The following TDRD10 variants were observed in gnomAD, a reference collection of about 807,000 sequenced individuals.
TDRD10 encodes tudor domain-containing protein 10.
Under a neutral mutation model 48.0 loss-of-function variants are expected in TDRD10, and 40 were observed. The observed-to-expected ratio is 0.83, with a 90% CI of 0.65 to 1.09. The LOEUF is 1.09. Ranked by LOEUF, TDRD10 falls within the 50% of genes least tolerant of loss-of-function variation. TDRD10 has a pLI of 0.00. For missense variants in TDRD10, 378 were observed against 434.7 expected, an observed-to-expected ratio of 0.87 and a Z score of 1.16; for synonymous variants, 162 against 170.4, an observed-to-expected ratio of 0.95 and a Z score of 0.38.
chr1:154,523,916 G>C (rs1694180745), intron 6 of TDRD10, among the ~76,000 whole-genome samples: 1 of 152,074 alleles, frequency 6.6e-6, no homozygotes, highest in Admixed American at 6.5e-5. Flanking sequence ...TGTCCAATCT[G>C]CTCTTAAGCC....
At chr1:154,537,325 G>A (rs531293525) in intron 6 of TDRD10, among the ~76,000 whole-genome samples, 3 of 152,322 alleles carry the variant, frequency 2.0e-5, no homozygotes, top group African/African-American at 4.8e-5. Context: ...GAGCTTTGTG[G>A]TGGCGTTTTA....
At chr1:154,531,978 A>G (rs1694653713) in intron 6 of TDRD10, among the ~76,000 whole-genome samples, 2 of 152,230 alleles carry the variant, frequency 1.3e-5, no homozygotes, top group African/African-American at 2.4e-5. Context: ...TTAGCTAGTC[A>G]TAAAGGTTCT....
intron 5 of TDRD10, among the ~76,000 whole-genome samples, chr1:154,521,036 G>A (rs921775864): frequency 6.6e-6 from 1 of 152,200 alleles, no homozygotes; most frequent in African/African-American, 2.4e-5. Flanking sequence ...ACCACACCTG[G>A]CTTGCTTTGA....
chr1:154,536,329 T>C (rs1204995346), intron 6 of TDRD10, among the ~76,000 whole-genome samples: 1 of 152,074 alleles, frequency 6.6e-6, no homozygotes, highest in Non-Finnish European at 1.5e-5. Flanking sequence ...TGAGCTGAGA[T>C]TGTGCCGTTG....
intron 4 of TDRD10, among the ~76,000 whole-genome samples, chr1:154,517,182 G>A (rs1360295682): frequency 6.6e-6 from 1 of 152,172 alleles, no homozygotes; most frequent in African/African-American, 2.4e-5. Context: ...ACCATGTCTG[G>A]GGTATGCCCT....
intron 6 of TDRD10, among the ~76,000 whole-genome samples, chr1:154,535,489 C>G (rs2149343430): frequency 6.6e-6 from 1 of 152,078 alleles, no homozygotes. Context: ...TGCTTCAGGC[C>G]AGGAGTTTGA....
intron 6 of TDRD10, among the ~76,000 whole-genome samples, chr1:154,538,695 T>C (rs1220789011): frequency 6.7e-6 from 1 of 149,518 alleles, no homozygotes; most frequent in East Asian, 2.0e-4. Context: ...CTACTAAAAA[T>C]ACAAAAAATT....
chr1:154,523,261 C>G (rs555723884), intron 6 of TDRD10, among the ~76,000 whole-genome samples: 5 of 152,292 alleles, frequency 3.3e-5, no homozygotes, highest in African/African-American at 1.2e-4. Flanking sequence ...AGTTTCTCAT[C>G]CCCCTAGCTG....
At chr1:154,518,434 C>CT (rs201150265) in intron 4 of TDRD10, among the ~76,000 whole-genome samples, 26 of 147,870 alleles carry the variant, frequency 1.8e-4, no homozygotes, top group East Asian at 2.0e-4. Context: ...TTGATCAAAA[C>CT]TTTTTTTTTT....
intron 6 of TDRD10, among the ~76,000 whole-genome samples, chr1:154,532,971 C>T (rs939260585): frequency 2.0e-5 from 2 of 98,642 alleles, no homozygotes; most frequent in African/African-American, 3.3e-5. Flanking sequence ...ACTTCTGACA[C>T]CCCCCCCAGT....
intron 1 of TDRD10, among the ~76,000 whole-genome samples, chr1:154,503,606 CAA>C (rs1025172468): frequency 5.9e-5 from 9 of 152,028 alleles, no homozygotes; most frequent in Non-Finnish European, 1.3e-4. Flanking sequence ...AAAAAACAAA[CAA>C]ACAAAAAAAC....
intron 6 of TDRD10, among the ~76,000 whole-genome samples, chr1:154,530,893 T>C (rs553783546): frequency 1.7e-4 from 26 of 151,012 alleles, no homozygotes; most frequent in Admixed American, 8.6e-4. Context: ...GAGACGAGTC[T>C]CACTCTGTCA....
chr1:154,535,385 G>A (rs1167539866), intron 6 of TDRD10, among the ~76,000 whole-genome samples: 1 of 148,664 alleles, frequency 6.7e-6, no homozygotes, highest in Non-Finnish European at 1.5e-5. Context: ...AAAAAAAAGA[G>A]AGAGAGAATA....
At position 154,526,741 on chromosome 1, in the gene TDRD10, C is replaced by T. The variant is rs147269953; in HGVS notation, c.369+5262C>T. Among the ~76,000 whole-genome samples the T allele has an allele frequency of 4.4e-3, 670 of 152,168 alleles. 5 individuals carry two copies. Among genetic ancestry groups the T allele is most frequent in the African/African-American group, 0.015 (629 of 41,500 alleles). On this transcript the variant is annotated intron_variant, in intron 6 of 12. Transcript: ENST00000368482. ...GTGCTGGGATTACAGGTGTGAGCCA[C>T]TGCGCCTGGCCTAATTTTTGTATTT...
At chr1:154,507,202 G>T in intron 2 of TDRD10, 39 bp from the exon 3 acceptor site, 6 of 1,613,366 alleles carry the variant, frequency 3.7e-6, no homozygotes, top group Non-Finnish European at 5.1e-6. Context: ...GTCGGAGTCT[G>T]AGCTTGGGAG....
chr1:154,521,257 C>T, intron 5 of TDRD10, 66 bp from the exon 6 acceptor site: 1 of 1,553,034 alleles, frequency 6.4e-7, no homozygotes, highest in Non-Finnish European at 8.8e-7. Flanking sequence ...GGCTTGGTGC[C>T]TCCCTGCAGC....
rs1042658644 is a variant in TDRD10, at chr1:154,544,836, T to C, written c.839T>C (p.Met280Thr). Residue 280 changes from methionine (M) to threonine (T), a missense_variant, in exon 11 of 13, where the codon ATG (methionine) becomes ACG (threonine). Coordinates refer to ENST00000368482, the MANE Select transcript of TDRD10 (RefSeq NM_182499.4). ...LDRVDTWAVV[M>T]FIDFGQLATI... is the part of the protein sequence containing the mutation. ...AGGGTGGACACCTGGGCTGTGGTCA[T>C]GTTCATTGATTTTGGACAGTTGGCC... 6.2e-7 allele frequency: 1 copy of C among 1,614,194 alleles called. No homozygotes were observed. The highest frequency in any genetic ancestry group is 2.2e-5 in the East Asian group (1 of 44,886).
Position 154,507,243 on chromosome 1 carries a change from C to G in TDRD10, c.5C>G (p.Ser2Cys). 6.2e-7 allele frequency: 1 copy of G among 1,613,896 alleles called. No individual in the cohort carries two copies. Among genetic ancestry groups the G allele is most frequent in the Non-Finnish European group, 8.5e-7 (1 of 1,179,990 alleles). Residue 2 changes from serine to cysteine, a missense_variant and splice_region_variant, in exon 3 of 13, where the codon TCC (serine) becomes TGC (cysteine). Physicochemically the swap from Ser to Cys is moderately radical, Grantham distance 112. Coordinates refer to ENST00000368482, the MANE Select transcript of TDRD10 (RefSeq NM_182499.4). ...ATGCTGACACCTGTGTTTGACAGGT[C>G]CTGGAACATTAGTCACCCCCAACTC... M[S>C]WNISHPQLSD...
intron 6 of TDRD10, among the ~76,000 whole-genome samples, chr1:154,537,298 T>C (rs1156693046): frequency 6.6e-6 from 1 of 152,266 alleles, no homozygotes; most frequent in Non-Finnish European, 1.5e-5. Context: ...TAGTGTCTGC[T>C]GCCCCCACCA....
Sources: gnomAD v4.1 joint callset for allele counts (sites outside exome capture counted in the v4.1 genomes callset) on GRCh38, gnomAD v4.1.1 for gene constraint, MANE v1.5 for transcripts, NCBI Gene and HGNC (gene_info 2026-07-23, HGNC 2026-07-21) for gene names.